PPP6R3: variants seen among roughly 807,000 people sequenced by gnomAD.
PPP6R3 encodes the protein protein phosphatase 6 regulatory subunit 3, also known as serine/threonine-protein phosphatase 6 regulatory subunit 3.
Under a neutral mutation model 110.7 loss-of-function variants are expected in PPP6R3, and 38 were observed. That is an observed-to-expected ratio of 0.34 (90% CI 0.26 to 0.45). PPP6R3 has a LOEUF of 0.45. PPP6R3 is among the 20% of genes least tolerant of loss of function. The pLI is 1.00. For synonymous variants in PPP6R3, 369 were observed against 373.5 expected (o/e 0.99, Z 0.14); for missense variants, 870 against 1,062.4 (o/e 0.82, Z 2.52).
At chr11:68,566,236 C>CT in intron 9 of PPP6R3, among the ~76,000 whole-genome samples, 1 of 146,926 alleles carries the variant, frequency 6.8e-6, no homozygotes, top group Non-Finnish European at 1.5e-5. Flanking sequence ...ACCACCACCA[C>CT]GGCTGCTGCT....
At chr11:68,588,758 TAAA>T (rs367918194) in intron 16 of PPP6R3, among the ~76,000 whole-genome samples, 2 of 141,728 alleles carry the variant, frequency 1.4e-5, no homozygotes. Flanking sequence ...ACTCGGTCTT[TAAA>T]AAAAAAAAAA....
intron 1 of PPP6R3, among the ~76,000 whole-genome samples, chr11:68,489,354 A>T (rs1444113022): frequency 2.0e-5 from 3 of 151,772 alleles, no homozygotes; most frequent in Non-Finnish European, 2.9e-5. Flanking sequence ...ATTTTATATG[A>T]TTTCCATTTT....
intron 2 of PPP6R3, among the ~76,000 whole-genome samples, chr11:68,531,977 C>T (rs2099243357): frequency 6.6e-6 from 1 of 152,176 alleles, no homozygotes; most frequent in Non-Finnish European, 1.5e-5. Context: ...AGTTGGACCC[C>T]TATTGAATAT....
intron 1 of PPP6R3, among the ~76,000 whole-genome samples, chr11:68,491,144 G>C (rs1031283381): frequency 3.3e-5 from 5 of 151,978 alleles, no homozygotes; most frequent in Non-Finnish European, 7.4e-5. Flanking sequence ...CCTTGTTTGT[G>C]TCACTGCACT....
chr11:68,609,874 T>G, intron 22 of PPP6R3, 30 bp from the exon 23 acceptor site: 2 of 1,613,338 alleles, frequency 1.2e-6, no homozygotes, highest in Non-Finnish European at 1.7e-6. Context: ...CCTAGGGTGT[T>G]TGATGTGCCT....
intron 2 of PPP6R3, chr11:68,522,684 A>G (rs182429242): frequency 6.6e-6 from 1 of 152,388 alleles, no homozygotes; most frequent in East Asian, 1.9e-4. Context: ...TAATCAAAGA[A>G]TAACTGTAAG....
rs113826663 is a variant in PPP6R3, at chr11:68,600,347, A to G, written c.2045A>G (p.Asn682Ser). The G allele has an allele frequency of 1.2e-6, 2 of 1,613,660 alleles. No individual in the cohort carries two copies. Among genetic ancestry groups the G allele is most frequent in the Admixed American group, 1.7e-5 (1 of 59,972 alleles). Residue 682 changes from asparagine to serine, a missense_variant, in exon 20 of 24, where the codon AAC becomes AGC. Physicochemically the swap from Asn to Ser is conservative, Grantham distance 46. Transcript: ENST00000393800. ...KMEVDLSEPPNWSANFDVPME... is the reference protein window; with the variant it reads ...KMEVDLSEPPSWSANFDVPME... The stretch of plus-strand genomic sequence containing the variant: ...ATTTCTCCCCTCTTTTTAGCACCCA[A>G]CTGGTCAGCTAACTTTGATGTCCCA...
intron 1 of PPP6R3, among the ~76,000 whole-genome samples, chr11:68,471,140 C>G (rs2098788540): frequency 6.6e-6 from 1 of 151,726 alleles, no homozygotes; most frequent in Non-Finnish European, 1.5e-5. Flanking sequence ...AAAAAATTAG[C>G]CGGCTTAGTG....
chr11:68,511,633 A>C (rs2099110662), intron 1 of PPP6R3, among the ~76,000 whole-genome samples: 1 of 151,386 alleles, frequency 6.6e-6, no homozygotes. Context: ...GGTGTGTGCC[A>C]CCACACCTGG....
chr11:68,537,513 G>A (rs2099277046), intron 2 of PPP6R3, 146 bp from the exon 3 acceptor site: 2 of 548,234 alleles, frequency 3.6e-6, no homozygotes, highest in African/African-American at 3.8e-5. Context: ...GCATTAAAAA[G>A]TATTTTATAG....
At chr11:68,562,466 C>T (rs72938909) in intron 8 of PPP6R3, among the ~76,000 whole-genome samples, 5 of 152,128 alleles carry the variant, frequency 3.3e-5, no homozygotes, top group African/African-American at 1.2e-4. Context: ...AATCAAAGTA[C>T]AGTAGCCAAA....
intron 12 of PPP6R3, among the ~76,000 whole-genome samples, chr11:68,572,509 C>T (rs1177651342): frequency 6.6e-6 from 1 of 152,100 alleles, no homozygotes; most frequent in Non-Finnish European, 1.5e-5. Flanking sequence ...ACACCTGGCT[C>T]TCTGGATCTT....
chr11:68,516,762 A>C (rs149943318), intron 1 of PPP6R3, among the ~76,000 whole-genome samples: 1,556 of 152,294 alleles, frequency 0.01, 10 homozygotes, highest in African/African-American at 0.012. Flanking sequence ...TTTTTTGAGG[A>C]ATGAATGTTA....
At chr11:68,499,731 C>T (rs572526870) in intron 1 of PPP6R3, among the ~76,000 whole-genome samples, 5 of 152,178 alleles carry the variant, frequency 3.3e-5, no homozygotes, top group African/African-American at 9.6e-5. Flanking sequence ...CGCACCACCA[C>T]ACCCGGCTCA....
intron 21 of PPP6R3, among the ~76,000 whole-genome samples, 165 bp downstream of exon 21, chr11:68,602,134 C>T (rs2099633821): frequency 6.6e-6 from 1 of 152,196 alleles, no homozygotes; most frequent in Non-Finnish European, 1.5e-5. Flanking sequence ...TCTAGAACCA[C>T]AGCATGCTGA....
intron 1 of PPP6R3, among the ~76,000 whole-genome samples, chr11:68,506,332 C>T (rs2099076202): frequency 7.1e-6 from 1 of 141,434 alleles, no homozygotes; most frequent in East Asian, 2.1e-4. Flanking sequence ...TCTCTAAGTC[C>T]TGGCCTCAAG....
chr11:68,485,339 GTTTTA>G (rs2153406888), intron 1 of PPP6R3, among the ~76,000 whole-genome samples: 1 of 145,998 alleles, frequency 6.8e-6, no homozygotes, highest in Admixed American at 6.9e-5. Context: ...AACAAAGACA[GTTTTA>G]TTTTATGCTT....
At position 68,583,062 on chromosome 11, in the gene PPP6R3, A is replaced by G. The variant is rs1452608346; in HGVS notation, c.1565A>G (p.His522Arg). 39 of 1,541,120 alleles carry G rather than the reference A, an allele frequency of 2.5e-5. No individual in the cohort carries two copies. Among genetic ancestry groups the G allele is most frequent in the Non-Finnish European group, 3.4e-5 (39 of 1,140,168 alleles). ...ATATAGGTTACAACCTGCCATATTC[A>G]TTCATCCAGTGATGATGAAATTGAC... ...TVDLVTTCHIHSSSDDEIDFK... is the reference protein window; with the variant it reads ...TVDLVTTCHIRSSSDDEIDFK... Residue 522 changes from histidine (H) to arginine (R), a missense_variant, in exon 15 of 24, where the codon CAT (histidine) becomes CGT (arginine). His to Arg is a conservative substitution (Grantham distance 29). Coordinates refer to ENST00000393800, the MANE Select transcript of PPP6R3 (RefSeq NM_001164161.2).
rs750850947 is a variant in PPP6R3, at chr11:68,613,220, C to T, written c.*103C>T. 68 of 1,531,848 alleles carry T rather than the reference C, an allele frequency of 4.4e-5. 1 individual carries two copies. Among genetic ancestry groups the T allele is most frequent in the Non-Finnish European group, 5.7e-5 (65 of 1,141,086 alleles). 94.9% of individuals were successfully genotyped at this position (1,531,848 alleles called of 1,614,324 possible). A position where few individuals can be genotyped will look rare whatever the true frequency, so the allele number is the denominator to read the frequency against. On this transcript the variant is annotated 3_prime_UTR_variant, in exon 24 of 24. Transcript: ENST00000393800. ...CACCAAGCTGTCACTGCTGCACTCA[C>T]TCTGCAAGGGATCAGGACCAGCAAC...
Sources: gnomAD v4.1 joint callset for allele counts (sites outside exome capture counted in the v4.1 genomes callset) on GRCh38, gnomAD v4.1.1 for gene constraint, MANE v1.5 for transcripts, NCBI Gene and HGNC (gene_info 2026-07-23, HGNC 2026-07-21) for gene names.